Variants in BPTF observed in about 807,000 individuals in gnomAD.
BPTF encodes bromodomain PHD finger transcription factor, also known as nucleosome-remodeling factor subunit BPTF.
A neutral mutation model predicts 292.5 loss-of-function variants in BPTF; 18 were observed. The observed-to-expected ratio is 0.06, with a 90% CI of 0.04 to 0.09. The LOEUF (loss-of-function observed/expected upper bound fraction) is 0.09, where lower values mean the gene tolerates loss of function less well. Ranked by LOEUF, BPTF falls within the 10% of genes least tolerant of loss-of-function variation. The pLI is 1.00. For missense variants in BPTF, 2,726 were observed against 3,498.7 expected, an observed-to-expected ratio of 0.78 and a Z score of 5.57; for synonymous variants, 1,225 against 1,251.9, an observed-to-expected ratio of 0.98 and a Z score of 0.45.
chr17:67,859,310 T>G (rs1567918460), intron 2 of BPTF, among the ~76,000 whole-genome samples: 1 of 152,080 alleles, frequency 6.6e-6, no homozygotes, highest in Non-Finnish European at 1.5e-5. Flanking sequence ...CGTGCCCAGC[T>G]AATTTTTTTA....
chr17:67,871,915 T>C (rs1042586936), intron 3 of BPTF, among the ~76,000 whole-genome samples: 1 of 152,134 alleles, frequency 6.6e-6, no homozygotes, highest in Non-Finnish European at 1.5e-5. Flanking sequence ...AACCTCTGTC[T>C]CCTAGGTTCA....
At chr17:67,896,463 G>C (rs980257336) in intron 7 of BPTF, among the ~76,000 whole-genome samples, 1 of 51,256 alleles carries the variant, frequency 2.0e-5, no homozygotes, top group Non-Finnish European at 7.3e-5. Context: ...TGAGTAACTA[G>C]AAACTGTCCC....
chr17:67,934,569 A>C (rs190536770), intron 18 of BPTF, among the ~76,000 whole-genome samples: 23 of 152,102 alleles, frequency 1.5e-4, no homozygotes, highest in African/African-American at 4.6e-4. Context: ...TAATAATCTT[A>C]ACTTGCTTAG....
chr17:67,893,169 T>C (rs1332289567), intron 5 of BPTF: 5 of 580,714 alleles, frequency 8.6e-6, no homozygotes, highest in African/African-American at 1.9e-5. Context: ...TAGTTTTCTT[T>C]CTGCAGGCAT....
intron 13 of BPTF, among the ~76,000 whole-genome samples, chr17:67,922,325 A>T (rs1358718472): frequency 6.6e-6 from 1 of 151,606 alleles, no homozygotes; most frequent in Non-Finnish European, 1.5e-5. Context: ...TTATGAGGAG[A>T]TTTTATCTAT....
At chr17:67,902,693 G>A (rs7216064) in intron 7 of BPTF, among the ~76,000 whole-genome samples, 33,922 of 151,994 alleles carry the variant, frequency 0.22, 4,410 homozygotes, top group East Asian at 0.67. Flanking sequence ...GTAAAAGTTG[G>A]GAGGGAGAGA....
intron 19 of BPTF, among the ~76,000 whole-genome samples, chr17:67,941,933 T>C (rs1198926312): frequency 1.3e-5 from 2 of 152,112 alleles, no homozygotes; most frequent in Non-Finnish European, 2.9e-5. Context: ...AACCAAGGAC[T>C]ATTACATATC....
In BPTF at chr17:67,895,964, CT is replaced by C. The variant is rs796964349; in HGVS notation, c.2543+1816del. Among the ~76,000 whole-genome samples, 4,116 of 135,254 alleles carry C rather than the reference CT, an allele frequency of 0.03. 132 individuals carry two copies. The East Asian group carries it at 0.3, about 10-fold the overall frequency. 88.7% of individuals were successfully genotyped at this position (135,254 alleles called of 152,430 possible). ...AACAATTCCTAAGTACTCAATCAGG[CT>C]TTTTTTTTTTTTTTTTGAGACGGAG... On this transcript the variant is annotated intron_variant, in intron 7 of 27. Coordinates refer to ENST00000306378, the MANE Select transcript of BPTF (RefSeq NM_182641.4).
chr17:67,875,568 T>C, intron 4 of BPTF: 1 of 1,526,544 alleles, frequency 6.6e-7, no homozygotes, highest in Non-Finnish European at 8.8e-7. Flanking sequence ...CCAACAGAAG[T>C]TGGGGATAAA....
chr17:67,858,627 G>T (rs2058872541), intron 2 of BPTF, among the ~76,000 whole-genome samples: 1 of 151,488 alleles, frequency 6.6e-6, no homozygotes, highest in Non-Finnish European at 1.5e-5. Flanking sequence ...GATGCTGCCT[G>T]TCAGGGAGCC....
chr17:67,917,124 T>TATGGTC (rs2063062879), intron 11 of BPTF, among the ~76,000 whole-genome samples: 1 of 141,456 alleles, frequency 7.1e-6, no homozygotes, highest in African/African-American at 2.9e-5. Context: ...ACTAATATGG[T>TATGGTC]ATTGTCCTTT....
At chr17:67,966,798 GTATC>G in intron 26 of BPTF, 142 bp downstream of exon 26, 1 of 754,318 alleles carries the variant, frequency 1.3e-6, no homozygotes, top group Non-Finnish European at 2.0e-6. Context: ...TAAATTGTTA[GTATC>G]TATTAAAGTT....
chr17:67,837,931 T>A (rs1201278444), intron 1 of BPTF, among the ~76,000 whole-genome samples: 1 of 152,218 alleles, frequency 6.6e-6, no homozygotes, highest in Non-Finnish European at 1.5e-5. Flanking sequence ...ACCATGGAAA[T>A]GGAGTTCTTC....
At chr17:67,903,752 C>G in intron 7 of BPTF, 37 bp from the exon 8 acceptor site, 1 of 1,480,332 alleles carries the variant, frequency 6.8e-7, no homozygotes, top group African/African-American at 1.5e-5. Context: ...GTTTATTTTT[C>G]CAAGTTAACA....
At chr17:67,950,255 TCCCCCCGCC>T (rs2066220663) in intron 23 of BPTF, among the ~76,000 whole-genome samples, 1 of 150,582 alleles carries the variant, frequency 6.6e-6, no homozygotes, top group Non-Finnish European at 1.5e-5. Flanking sequence ...AGTGAGACTG[TCCCCCCGCC>T]CCCACCGCCA....
chr17:67,922,734 G>A, intron 13 of BPTF, 106 bp from the exon 14 acceptor site: 5 of 1,232,884 alleles, frequency 4.1e-6, no homozygotes, highest in Non-Finnish European at 5.5e-6. Flanking sequence ...GAGACCATCT[G>A]GCTATTTAAG....
At chr17:67,877,631 T>G (rs1357090736) in intron 4 of BPTF, among the ~76,000 whole-genome samples, 1 of 119,562 alleles carries the variant, frequency 8.4e-6, no homozygotes, top group East Asian at 2.0e-4. Flanking sequence ...GGTAAAGTTT[T>G]TTTTTGAGAG....
At chr17:67,835,126 C>A (rs756382735) in intron 1 of BPTF, among the ~76,000 whole-genome samples, 5 of 152,092 alleles carry the variant, frequency 3.3e-5, no homozygotes, top group Non-Finnish European at 7.4e-5. Flanking sequence ...GGGAGGATTG[C>A]TTGAGCCCAG....
intron 4 of BPTF, among the ~76,000 whole-genome samples, chr17:67,884,129 A>G (rs1448837198): frequency 1.5e-5 from 2 of 132,324 alleles, no homozygotes; most frequent in South Asian, 2.3e-4. Flanking sequence ...ATTGATGGGC[A>G]TTTTCTTTCT....
Sources: allele counts gnomAD v4.1 joint callset (sites outside exome capture counted in the v4.1 genomes callset), GRCh38; gene constraint gnomAD v4.1.1; transcripts MANE v1.5; gene names NCBI Gene and HGNC (gene_info 2026-07-23, HGNC 2026-07-21).